SCAPER: variants seen among roughly 807,000 people sequenced by gnomAD.
SCAPER encodes the protein S phase cyclin A-associated protein in the endoplasmic reticulum.
In SCAPER, 98 loss-of-function variants were observed where a neutral mutation model predicts 182.2. That is an observed-to-expected ratio of 0.54 (90% confidence interval 0.46 to 0.64). SCAPER has a LOEUF of 0.64. Ranked by LOEUF, SCAPER falls within the 30% of genes least tolerant of loss-of-function variation. The pLI is 0.00. For missense variants in SCAPER, 1,432 were observed against 1,690.0 expected, an observed-to-expected ratio of 0.85 and a Z score of 2.68; for synonymous variants, 605 against 564.6, an observed-to-expected ratio of 1.07 and a Z score of -1.01.
intron 23 of SCAPER, among the ~76,000 whole-genome samples, chr15:76,553,394 C>T (rs1200721522): frequency 6.6e-6 from 1 of 152,164 alleles, no homozygotes; most frequent in Non-Finnish European, 1.5e-5. Flanking sequence ...ACGTGGACAC[C>T]CCGCAGTGTC....
At chr15:76,777,075 C>A (rs2063786789) in intron 8 of SCAPER, among the ~76,000 whole-genome samples, 1 of 151,988 alleles carries the variant, frequency 6.6e-6, no homozygotes, top group South Asian at 2.1e-4. Flanking sequence ...AAAGAAAAAT[C>A]ATAATTAAAC....
At chr15:76,683,753 T>G (rs959929015) in intron 20 of SCAPER, among the ~76,000 whole-genome samples, 31 of 149,074 alleles carry the variant, frequency 2.1e-4, no homozygotes, top group Non-Finnish European at 3.4e-4. Flanking sequence ...CTGTAGGGGG[T>G]GGGGGGGTCT....
intron 21 of SCAPER, among the ~76,000 whole-genome samples, chr15:76,623,806 C>A (rs752133401): frequency 5.3e-5 from 8 of 152,106 alleles, no homozygotes; most frequent in African/African-American, 9.7e-5. Flanking sequence ...AAACAAAGAC[C>A]ATATGATCAT....
chr15:76,591,341 A>G (rs1379718527), intron 22 of SCAPER, among the ~76,000 whole-genome samples: 4 of 152,234 alleles, frequency 2.6e-5, no homozygotes, highest in Admixed American at 6.5e-5. Flanking sequence ...AAAATTACAT[A>G]TATACAATGT....
At chr15:76,448,208 A>T (rs771328055) in intron 25 of SCAPER, among the ~76,000 whole-genome samples, 10 of 152,176 alleles carry the variant, frequency 6.6e-5, no homozygotes, top group Non-Finnish European at 1.5e-4. Context: ...AAAAGTTTTC[A>T]TTTTTTGAAA....
At chr15:76,723,737 G>A (rs1369193654) in intron 17 of SCAPER, among the ~76,000 whole-genome samples, 4 of 152,244 alleles carry the variant, frequency 2.6e-5, no homozygotes, top group African/African-American at 7.2e-5. Flanking sequence ...TCAGAGACTA[G>A]GATTGCAACC....
chr15:76,537,041 CAAACCATTGCTCAATGAAATAAA>C (rs1426760745), intron 23 of SCAPER, among the ~76,000 whole-genome samples: 4 of 152,246 alleles, frequency 2.6e-5, no homozygotes, highest in Admixed American at 2.6e-4. Flanking sequence ...AGGAGAACTG[CAAACCATTGCTCAATGAAATAAA>C]AGAGGATACA....
At chr15:76,816,576 G>C (rs1403821039) in intron 5 of SCAPER, among the ~76,000 whole-genome samples, 1 of 151,958 alleles carries the variant, frequency 6.6e-6, no homozygotes, top group Non-Finnish European at 1.5e-5. Context: ...TTTACAGTTA[G>C]CTTTCTTTTT....
intron 5 of SCAPER, among the ~76,000 whole-genome samples, chr15:76,813,672 T>A (rs771798426): frequency 2.0e-5 from 3 of 152,090 alleles, no homozygotes; most frequent in Non-Finnish European, 4.4e-5. Flanking sequence ...TCAATAACAA[T>A]CTATGTTAAA....
chr15:76,633,071 G>A (rs996255537), intron 21 of SCAPER, among the ~76,000 whole-genome samples: 8 of 152,130 alleles, frequency 5.3e-5, no homozygotes, highest in Admixed American at 3.9e-4. Flanking sequence ...AAGCCACCGT[G>A]CCCAGCCTGC....
intron 23 of SCAPER, among the ~76,000 whole-genome samples, chr15:76,508,887 G>A (rs577807449): frequency 1.1e-4 from 17 of 152,064 alleles, no homozygotes; most frequent in Non-Finnish European, 2.4e-4. Context: ...CATAAGTTAG[G>A]GTTGTCTACC....
rs1029308436 is a variant in SCAPER at position 76,738,061 on chromosome 15, C to A, written c.1867-4677G>T. 4.6e-5 allele frequency among the ~76,000 whole-genome samples: 7 copies of A among 152,318 alleles called. No homozygotes were observed. In the East Asian group the frequency reaches 1.4e-3, roughly 29 times the overall value. ...TGTTTACTGAAGTAACACATTTAATCTTTCTCAAAACTTTTCCTTTGCATT... is the reference window on the plus strand; with the variant it reads ...TGTTTACTGAAGTAACACATTTAATATTTCTCAAAACTTTTCCTTTGCATT... On this transcript the variant is annotated intron_variant, in intron 15 of 31. Coordinates refer to ENST00000563290, the MANE Select transcript of SCAPER (RefSeq NM_020843.4).
At chr15:76,740,940 G>T (rs2061507982) in intron 15 of SCAPER, among the ~76,000 whole-genome samples, 1 of 151,976 alleles carries the variant, frequency 6.6e-6, no homozygotes, top group Non-Finnish European at 1.5e-5. Context: ...TCTCTTTTTA[G>T]CAAGGGTTCC....
chr15:76,418,707 C>T (rs2045822649), intron 26 of SCAPER, among the ~76,000 whole-genome samples: 1 of 152,244 alleles, frequency 6.6e-6, no homozygotes. Flanking sequence ...AGTGTCTGAA[C>T]CCAGGTGGCA....
chr15:76,813,242 A>AG (rs201344476), intron 5 of SCAPER, among the ~76,000 whole-genome samples: 1 of 126,834 alleles, frequency 7.9e-6, no homozygotes, highest in East Asian at 2.1e-4. Context: ...AAAAAAAAAA[A>AG]AAAAAAAAAA....
At chr15:76,756,021 T>C (rs1355190642) in intron 14 of SCAPER, among the ~76,000 whole-genome samples, 1 of 152,054 alleles carries the variant, frequency 6.6e-6, no homozygotes, top group Non-Finnish European at 1.5e-5. Context: ...GGGAGGCAGA[T>C]AACTTCAGGT....
intron 24 of SCAPER, among the ~76,000 whole-genome samples, chr15:76,495,600 AAGAG>A (rs1172793844): frequency 2.0e-5 from 3 of 149,904 alleles, no homozygotes; most frequent in African/African-American, 4.9e-5. Flanking sequence ...AAAAAAAAAA[AAGAG>A]AGAGAGAGAC....
chr15:76,373,052 CT>C (rs1159801386), intron 29 of SCAPER, among the ~76,000 whole-genome samples: 8 of 144,532 alleles, frequency 5.5e-5, no homozygotes, highest in African/African-American at 5.2e-5. Flanking sequence ...TTCTTTCTTT[CT>C]TTTTTTTTTT....
At chr15:76,769,442 C>T (rs1373164516) in intron 10 of SCAPER, among the ~76,000 whole-genome samples, 1 of 69,956 alleles carries the variant, frequency 1.4e-5, no homozygotes, top group Non-Finnish European at 2.8e-5. Flanking sequence ...GACTCTGTCT[C>T]AAAAAAAAAA....
Sources: gnomAD v4.1 joint callset for allele counts (sites outside exome capture counted in the v4.1 genomes callset) on GRCh38, gnomAD v4.1.1 for gene constraint, MANE v1.5 for transcripts, NCBI Gene and HGNC (gene_info 2026-07-23, HGNC 2026-07-21) for gene names.